The following MBNL2 variants were observed in gnomAD, a reference collection of about 807,000 sequenced individuals.
MBNL2 encodes muscleblind like splicing regulator 2, also known as muscleblind-like protein 2.
In MBNL2, 17 loss-of-function variants were observed where a neutral mutation model predicts 41.9. The observed-to-expected ratio is 0.41, with a 90% CI of 0.28 to 0.61. The LOEUF (loss-of-function observed/expected upper bound fraction) is 0.61. Ranked by LOEUF, MBNL2 falls within the 20% of genes least tolerant of loss-of-function variation. The pLI, the probability that MBNL2 is intolerant of heterozygous loss-of-function variation, is 0.35. For synonymous variants in MBNL2, 195 were observed against 182.9 expected (o/e 1.07, Z -0.53); for missense variants, 336 against 505.6 (o/e 0.66, Z 3.22).
chr13:97,343,643 C>A (rs190088820), intron 4 of MBNL2, among the ~76,000 whole-genome samples: 1 of 152,284 alleles, frequency 6.6e-6, no homozygotes, highest in East Asian at 1.9e-4. Flanking sequence ...CTCAGGGACA[C>A]TGGTGGGAGT....
At chr13:97,154,198 TA>T in the MBNL2 span, among the ~76,000 whole-genome samples, 7 of 152,174 alleles carry the variant, frequency 4.6e-5, no homozygotes, top group Non-Finnish European at 7.3e-5. Context: ...ATTTGATGTG[TA>T]AAAAAAGTTA....
At chr13:97,242,578 C>T (rs952509864) in intron 1 of MBNL2, among the ~76,000 whole-genome samples, 1 of 152,124 alleles carries the variant, frequency 6.6e-6, no homozygotes, top group South Asian at 2.1e-4. Context: ...TGAGACTTGT[C>T]CTCGGCCCCA....
At chr13:97,293,199 C>G (rs929063101) in intron 2 of MBNL2, among the ~76,000 whole-genome samples, 25 of 152,040 alleles carry the variant, frequency 1.6e-4, no homozygotes, top group Non-Finnish European at 2.9e-4. Context: ...TGTAAATCTG[C>G]TACAAAAAAT....
chr13:97,208,969 A>C, the MBNL2 span, among the ~76,000 whole-genome samples: 2 of 152,320 alleles, frequency 1.3e-5, no homozygotes, highest in East Asian at 3.9e-4. Flanking sequence ...TGTACACTTA[A>C]AAATTATTAT....
the MBNL2 span, among the ~76,000 whole-genome samples, chr13:97,162,643 A>G: frequency 2.0e-5 from 3 of 152,208 alleles, no homozygotes; most frequent in Non-Finnish European, 4.4e-5. Context: ...ACTGTTCTCA[A>G]GAGGAAGTCA....
intron 2 of MBNL2, among the ~76,000 whole-genome samples, chr13:97,330,176 G>T (rs2060311164): frequency 6.6e-6 from 1 of 152,168 alleles, no homozygotes; most frequent in Non-Finnish European, 1.5e-5. Context: ...GAATGAATGA[G>T]ATCGTAGCCT....
At chr13:97,288,196 T>C (rs541028654) in intron 2 of MBNL2, among the ~76,000 whole-genome samples, 1 of 152,322 alleles carries the variant, frequency 6.6e-6, no homozygotes, top group African/African-American at 2.4e-5. Context: ...CTCTCTTTTT[T>C]ATTATATATT....
chr13:97,314,478 G>C (rs186557722), intron 2 of MBNL2, among the ~76,000 whole-genome samples: 2 of 152,242 alleles, frequency 1.3e-5, no homozygotes, highest in Admixed American at 1.3e-4. Flanking sequence ...CTCTATGAAG[G>C]CAGGGACTTT....
chr13:97,274,959 T>C (rs892443159), intron 1 of MBNL2, among the ~76,000 whole-genome samples: 1 of 152,198 alleles, frequency 6.6e-6, no homozygotes, highest in Non-Finnish European at 1.5e-5. Context: ...AATTGGTCAA[T>C]AAATATTTCT....
the MBNL2 span, among the ~76,000 whole-genome samples, chr13:97,166,797 T>TAGAC: frequency 6.8e-6 from 1 of 147,168 alleles, no homozygotes; most frequent in South Asian, 2.2e-4. Flanking sequence ...GATAGATAGA[T>TAGAC]AGATAGATAG....
intron 5 of MBNL2, among the ~76,000 whole-genome samples, chr13:97,354,922 A>G (rs1050566450): frequency 3.3e-5 from 5 of 152,190 alleles, no homozygotes; most frequent in South Asian, 2.1e-4. Context: ...CATGTTCTCA[A>G]TGTGCTCTAT....
chr13:97,223,306 C>G (rs1394071225), intron 1 of MBNL2, among the ~76,000 whole-genome samples: 1 of 152,150 alleles, frequency 6.6e-6, no homozygotes, highest in Admixed American at 6.5e-5. Context: ...TTTCACTATG[C>G]CGAACCATAT....
At chr13:97,285,624 G>T (rs762456230) in intron 2 of MBNL2, among the ~76,000 whole-genome samples, 19 of 152,160 alleles carry the variant, frequency 1.2e-4, no homozygotes, top group Non-Finnish European at 2.2e-4. Flanking sequence ...ACATCTTCAG[G>T]ATGGATTCAG....
At chr13:97,362,553 A>G (rs1472015128) in intron 7 of MBNL2, among the ~76,000 whole-genome samples, 1 of 152,176 alleles carries the variant, frequency 6.6e-6, no homozygotes, top group African/African-American at 2.4e-5. Context: ...AAGAAAAGAA[A>G]AATTAATCTG....
intron 2 of MBNL2, among the ~76,000 whole-genome samples, chr13:97,329,636 A>ATGCAGC (rs2060211249): frequency 1.3e-5 from 2 of 150,968 alleles, no homozygotes; most frequent in East Asian, 1.9e-4. Flanking sequence ...CTAGACACAC[A>ATGCAGC]ACACACACAC....
chr13:97,214,769 T>C, the MBNL2 span, among the ~76,000 whole-genome samples: 583 of 152,246 alleles, frequency 3.8e-3, 7 homozygotes, highest in East Asian at 0.013. Flanking sequence ...TCCTTTATTA[T>C]AGGAGAAAGG....
intron 1 of MBNL2, among the ~76,000 whole-genome samples, chr13:97,254,700 C>CT (rs1189948961): frequency 6.6e-6 from 1 of 151,890 alleles, no homozygotes; most frequent in African/African-American, 2.4e-5. Flanking sequence ...TCCAAATTTG[C>CT]TTTTTAATTA....
At chr13:97,287,048 T>A (rs9513227) in intron 2 of MBNL2, among the ~76,000 whole-genome samples, 19,556 of 152,212 alleles carry the variant, frequency 0.13, 1,331 homozygotes, top group South Asian at 0.16. Context: ...TTCAAATCGC[T>A]TTTCTGGCTG....
At chr13:97,163,173 TGAAG>T in the MBNL2 span, among the ~76,000 whole-genome samples, 1 of 152,224 alleles carries the variant, frequency 6.6e-6, no homozygotes, top group African/African-American at 2.4e-5. Context: ...GGGTCCGGCT[TGAAG>T]GATAACATCT....
Sources: allele counts gnomAD v4.1 joint callset (sites outside exome capture counted in the v4.1 genomes callset), GRCh38; gene constraint gnomAD v4.1.1; transcripts MANE v1.5; gene names NCBI Gene and HGNC (gene_info 2026-07-23, HGNC 2026-07-21).